CTTNBP2NL: variants seen among roughly 807,000 people sequenced by gnomAD.
CTTNBP2NL encodes the protein CTTNBP2 N-terminal like.
A neutral mutation model predicts 32.5 loss-of-function variants in CTTNBP2NL; 16 were observed. The ratio of observed to expected loss-of-function variants is 0.49; its 90% CI spans 0.33 to 0.75. The LOEUF is 0.75. Ranked by LOEUF, CTTNBP2NL falls within the 30% of genes least tolerant of loss-of-function variation. The pLI, the probability that CTTNBP2NL is intolerant of heterozygous loss-of-function variation, is 0.02. For missense variants in CTTNBP2NL, 645 were observed against 756.0 expected (o/e 0.85, Z 1.72); for synonymous variants, 298 against 289.4 (o/e 1.03, Z -0.30).
chr1:112,444,104 G>A (rs1054880549), intron 3 of CTTNBP2NL, among the ~76,000 whole-genome samples: 1 of 152,144 alleles, frequency 6.6e-6, no homozygotes, highest in African/African-American at 2.4e-5. Context: ...CTTCAGAATT[G>A]TCTCTTTAGT....
In CTTNBP2NL at chr1:112,459,220, G is replaced by A. The variant is rs1196266507; in HGVS notation, c.*1808G>A. The A allele has an allele frequency of 2.6e-5, 4 of 152,108 alleles. No homozygotes were observed. The highest frequency in any genetic ancestry group is 7.2e-5 in the African/African-American group (3 of 41,408). 9.4% of individuals were successfully genotyped at this position (152,108 alleles called of 1,614,324 possible). A position where few individuals can be genotyped will look rare whatever the true frequency, so the allele number is the denominator to read the frequency against. ...CATTTTCATCATAGCAAGTCTATGC[G>A]GACAAAAGCCTCCAAACTTTCCAAC... On this transcript the variant is annotated 3_prime_UTR_variant, in exon 6 of 6. Coordinates refer to ENST00000271277, the MANE Select transcript of CTTNBP2NL (RefSeq NM_018704.3).
intron 1 of CTTNBP2NL, among the ~76,000 whole-genome samples, chr1:112,399,173 G>A (rs1648421759): frequency 6.6e-6 from 1 of 151,998 alleles, no homozygotes; most frequent in Non-Finnish European, 1.5e-5. Flanking sequence ...TAAAAAATTA[G>A]CTGGATGTGG....
At chr1:112,395,985 A>C (rs1648308641), upstream of CTTNBP2NL, among the ~76,000 whole-genome samples, 1 of 152,242 alleles carries the variant, frequency 6.6e-6, no homozygotes, top group Non-Finnish European at 1.5e-5. Context: ...GCCCACCCTG[A>C]AGCCCAGGAC....
intron 4 of CTTNBP2NL, among the ~76,000 whole-genome samples, chr1:112,451,109 T>A (rs942033072): frequency 1.3e-5 from 2 of 152,096 alleles, no homozygotes; most frequent in African/African-American, 4.8e-5. Context: ...TCCCCAGTAT[T>A]CACAGGCAAC....
chr1:112,454,573 G>T lies in CTTNBP2NL; in HGVS notation c.438+17G>T. 1 of 1,522,856 alleles carries T rather than the reference G, an allele frequency of 6.6e-7. No individual in the cohort carries two copies. 94.3% of individuals were successfully genotyped at this position (1,522,856 alleles called of 1,614,324 possible). ...ACTCAACAGGTAATTAAGGTAGAGGGATTCACAGTAGCATTTGCCTGGAAC... is the reference window on the plus strand; with the variant it reads ...ACTCAACAGGTAATTAAGGTAGAGGTATTCACAGTAGCATTTGCCTGGAAC... On this transcript the variant is annotated intron_variant, in intron 5 of 5. Transcript: ENST00000271277.
At chr1:112,427,677 C>T (rs2101012735) in intron 3 of CTTNBP2NL, among the ~76,000 whole-genome samples, 1 of 152,202 alleles carries the variant, frequency 6.6e-6, no homozygotes, top group South Asian at 2.1e-4. Flanking sequence ...AAGTGGATCA[C>T]GAGGTCAGGA....
At chr1:112,425,482 GAAAT>G (rs1649367727) in intron 3 of CTTNBP2NL, among the ~76,000 whole-genome samples, 1 of 152,068 alleles carries the variant, frequency 6.6e-6, no homozygotes, top group Non-Finnish European at 1.5e-5. Context: ...ATCAAAAAAA[GAAAT>G]AAAATTGATT....
chr1:112,404,982 GGAGGTTGCGGTGAGGCC>G (rs34714576), intron 1 of CTTNBP2NL, among the ~76,000 whole-genome samples: 144,864 of 151,914 alleles, frequency 0.95, 69,427 homozygotes, highest in East Asian at 1. Context: ...ACCAGGAGGC[GGAGGTTGCGGTGAGGCC>G]GAGGTTGCGG....
At chr1:112,443,900 GT>G (rs1649965938) in intron 3 of CTTNBP2NL, among the ~76,000 whole-genome samples, 1 of 152,052 alleles carries the variant, frequency 6.6e-6, no homozygotes, top group Admixed American at 6.6e-5. Context: ...ACTACTTATA[GT>G]TTATCTATAG....
At chr1:112,392,466 T>C (rs1268500637), upstream of CTTNBP2NL, among the ~76,000 whole-genome samples, 1 of 152,184 alleles carries the variant, frequency 6.6e-6, no homozygotes, top group Non-Finnish European at 1.5e-5. Flanking sequence ...TGAACTTAAA[T>C]GGAGTTAAGT....
chr1:112,444,650 A>G (rs1649984935), intron 3 of CTTNBP2NL, among the ~76,000 whole-genome samples: 1 of 152,230 alleles, frequency 6.6e-6, no homozygotes, highest in Non-Finnish European at 1.5e-5. Flanking sequence ...AATTAAAAAT[A>G]ATAAAATTGA....
chr1:112,407,191 A>T (rs1375624282), intron 1 of CTTNBP2NL, among the ~76,000 whole-genome samples: 2 of 152,192 alleles, frequency 1.3e-5, no homozygotes, highest in Non-Finnish European at 2.9e-5. Context: ...TGTCATGGTA[A>T]GAGGAAGGCT....
intron 3 of CTTNBP2NL, among the ~76,000 whole-genome samples, chr1:112,423,308 T>C (rs1175628): frequency 0.025 from 3,741 of 152,240 alleles, 124 homozygotes; most frequent in African/African-American, 0.08. Flanking sequence ...TTAACTGTTA[T>C]AGTTAATAAT....
chr1:112,433,965 T>C (rs1262487231), intron 3 of CTTNBP2NL, among the ~76,000 whole-genome samples: 1 of 151,986 alleles, frequency 6.6e-6, no homozygotes, highest in Non-Finnish European at 1.5e-5. Flanking sequence ...CCCGAACTCC[T>C]GGGCTCAGGC....
chr1:112,405,634 A>T (rs1648638873), intron 1 of CTTNBP2NL, among the ~76,000 whole-genome samples: 1 of 152,084 alleles, frequency 6.6e-6, no homozygotes, highest in South Asian at 2.1e-4. Context: ...TAATGTTCTC[A>T]TTTGAGGGAA....
intron 2 of CTTNBP2NL, among the ~76,000 whole-genome samples, chr1:112,415,270 A>G (rs1407174016): frequency 6.6e-6 from 1 of 152,196 alleles, no homozygotes; most frequent in Non-Finnish European, 1.5e-5. Flanking sequence ...AGTTGAATTA[A>G]GTCTATTTTA....
intron 3 of CTTNBP2NL, among the ~76,000 whole-genome samples, chr1:112,417,867 C>T (rs752065296): frequency 6.6e-6 from 1 of 151,276 alleles, no homozygotes; most frequent in Non-Finnish European, 1.5e-5. Context: ...TTTTGGTTCT[C>T]CAATGTATCA....
chr1:112,452,699 G>A (rs1447818082), intron 4 of CTTNBP2NL, among the ~76,000 whole-genome samples: 4 of 147,612 alleles, frequency 2.7e-5, no homozygotes, highest in African/African-American at 7.6e-5. Context: ...GGAGTGCAAC[G>A]GCATAATCAT....
chr1:112,430,827 C>CCTGCCT (rs1649549490), intron 3 of CTTNBP2NL, among the ~76,000 whole-genome samples: 1 of 152,170 alleles, frequency 6.6e-6, no homozygotes, highest in African/African-American at 2.4e-5. Flanking sequence ...TCGTGATCTG[C>CCTGCCT]CTGCCTCTGC....
Sources: gnomAD v4.1 joint callset for allele counts (sites outside exome capture counted in the v4.1 genomes callset) on GRCh38, gnomAD v4.1.1 for gene constraint, MANE v1.5 for transcripts, NCBI Gene and HGNC (gene_info 2026-07-23, HGNC 2026-07-21) for gene names.